The following ZFAT variants were observed in gnomAD, a reference collection of about 807,000 sequenced individuals.
ZFAT encodes the protein zinc finger protein ZFAT.
ZFAT carries 64 observed loss-of-function variants against 117.7 expected under a neutral mutation model. The ratio of observed to expected loss-of-function variants is 0.54; its 90% CI spans 0.44 to 0.67. The LOEUF is 0.67. Ranked by LOEUF, ZFAT falls within the 30% of genes least tolerant of loss-of-function variation. The pLI, the probability that ZFAT is intolerant of heterozygous loss-of-function variation, is 0.00. For missense variants in ZFAT, 1,433 were observed against 1,584.5 expected (o/e 0.90, Z 1.62); for synonymous variants, 679 against 615.0 (o/e 1.10, Z -1.54).
At chr8:134,588,983 ATACTT>A (rs2130868423) in intron 8 of ZFAT, among the ~76,000 whole-genome samples, 1 of 152,356 alleles carries the variant, frequency 6.6e-6, no homozygotes, top group African/African-American at 2.4e-5. Context: ...TGTCTGGAAT[ATACTT>A]TAAAATATCC....
intron 3 of ZFAT, among the ~76,000 whole-genome samples, chr8:134,618,707 TAA>T (rs975551115): frequency 2.0e-5 from 3 of 152,254 alleles, no homozygotes; most frequent in Non-Finnish European, 4.4e-5. Flanking sequence ...CAAATTTTCT[TAA>T]GTGTCCATAT....
the ZFAT span, among the ~76,000 whole-genome samples, chr8:134,798,666 G>T: frequency 6.6e-6 from 1 of 151,888 alleles, no homozygotes; most frequent in Non-Finnish European, 1.5e-5. Flanking sequence ...CATGATCAAA[G>T]ACCTTATTAC....
chr8:134,715,228 C>A (rs977039407), upstream of ZFAT, among the ~76,000 whole-genome samples: 3 of 152,194 alleles, frequency 2.0e-5, no homozygotes, highest in African/African-American at 7.2e-5. Context: ...AAATTTGTCT[C>A]AAAACCCAAT....
At chr8:134,509,926 A>G (rs1819691173) in intron 14 of ZFAT, 177 bp from the exon 15 acceptor site, 8 of 750,200 alleles carry the variant, frequency 1.1e-5, no homozygotes. Context: ...TAGCTTACAA[A>G]GCATTTTCTA....
In ZFAT at chr8:134,657,690, T is replaced by C; in HGVS notation, c.67A>G (p.Asn23Asp). 1.9e-6 allele frequency: 3 copies of C among 1,614,176 alleles called. No individual in the cohort carries two copies. Among genetic ancestry groups the C allele is most frequent in the Admixed American group, 1.7e-5 (1 of 60,020 alleles). ...MCKCCNLFSP[N>D]QSELLSHVSE... ...ACGTGGGAGAGGAGTTCCGACTGAT[T>C]TGGTGAGAAGAGGTTACAACATTTA... is the stretch of plus-strand genomic sequence containing the variant. The change falls in exon 2 of 16, where the codon AAT (asparagine) becomes GAT (aspartate). Residue 23 changes from asparagine to aspartate, a missense_variant. Around this residue, in one of 5 missense-constraint regions of ZFAT, gnomAD observed 436 missense variants for 482.0 expected, o/e 0.90. Transcript: ENST00000377838.
intron 1 of ZFAT, among the ~76,000 whole-genome samples, chr8:134,697,092 GGTTT>G (rs1356719267): frequency 2.0e-5 from 3 of 150,784 alleles, no homozygotes; most frequent in African/African-American, 7.3e-5. Context: ...TAATTGTTTT[GGTTT>G]GTTTTTGGTT....
At chr8:134,550,944 C>T (rs548048201) in intron 11 of ZFAT, among the ~76,000 whole-genome samples, 2 of 152,292 alleles carry the variant, frequency 1.3e-5, no homozygotes, top group East Asian at 3.9e-4. Context: ...CAAACACCAC[C>T]AACAGAAACT....
At chr8:134,594,687 C>T (rs1476748220) in intron 7 of ZFAT, 1 of 152,188 alleles carries the variant, frequency 6.6e-6, no homozygotes. Context: ...CCCTTACGAA[C>T]ATCATCTCGC....
the ZFAT span, among the ~76,000 whole-genome samples, chr8:134,729,814 G>A: frequency 6.6e-6 from 1 of 152,068 alleles, no homozygotes; most frequent in African/African-American, 2.4e-5. Context: ...GTATGTCTTG[G>A]TTTCCCCGTT....
intron 3 of ZFAT, among the ~76,000 whole-genome samples, chr8:134,613,060 G>A (rs1365883722): frequency 6.6e-6 from 1 of 152,172 alleles, no homozygotes; most frequent in African/African-American, 2.4e-5. Context: ...AATAACTATA[G>A]CAGAATATAT....
the ZFAT span, among the ~76,000 whole-genome samples, chr8:134,829,152 G>A: frequency 2.0e-5 from 3 of 152,186 alleles, no homozygotes; most frequent in African/African-American, 7.2e-5. Flanking sequence ...ATTTTAATTA[G>A]GCTTCAATGT....
At chr8:134,773,967 G>C in the ZFAT span, among the ~76,000 whole-genome samples, 1 of 146,478 alleles carries the variant, frequency 6.8e-6, no homozygotes, top group Non-Finnish European at 1.5e-5. Flanking sequence ...TAAAGTAGCA[G>C]TAGAGCTTGA....
chr8:134,698,340 A>G (rs893428849), intron 1 of ZFAT, among the ~76,000 whole-genome samples: 18 of 147,882 alleles, frequency 1.2e-4, no homozygotes, highest in Non-Finnish European at 2.6e-4. Context: ...AAAAAAAAAG[A>G]ATGACCTAAA....
At chr8:134,545,735 T>C (rs901918864) in intron 11 of ZFAT, among the ~76,000 whole-genome samples, 1 of 152,168 alleles carries the variant, frequency 6.6e-6, no homozygotes, top group Non-Finnish European at 1.5e-5. Context: ...GTGGTGACTT[T>C]TGGGACAGAG....
At chr8:134,806,910 T>A in the ZFAT span, among the ~76,000 whole-genome samples, 5 of 152,216 alleles carry the variant, frequency 3.3e-5, no homozygotes, top group Non-Finnish European at 7.4e-5. Context: ...TAAAGTCTAA[T>A]GAGGGGATAG....
chr8:134,620,433 G>C (rs1829034418), intron 3 of ZFAT, among the ~76,000 whole-genome samples: 1 of 152,184 alleles, frequency 6.6e-6, no homozygotes, highest in Non-Finnish European at 1.5e-5. Flanking sequence ...ACAGGCTGCT[G>C]CTCTGGCCTG....
chr8:134,601,119 C>G (rs1197369236), intron 6 of ZFAT, among the ~76,000 whole-genome samples: 1 of 152,196 alleles, frequency 6.6e-6, no homozygotes, highest in African/African-American at 2.4e-5. Flanking sequence ...GCTGCAGCCA[C>G]TTTCATAACC....
chr8:134,689,927 TTAAAA>T (rs1049723551), intron 1 of ZFAT, among the ~76,000 whole-genome samples: 2 of 152,262 alleles, frequency 1.3e-5, no homozygotes, highest in Admixed American at 6.5e-5. Flanking sequence ...AGTAGCCATA[TTAAAA>T]TAAAATAATC....
chr8:134,512,864 A>G (rs1819961055), intron 13 of ZFAT, among the ~76,000 whole-genome samples: 1 of 152,244 alleles, frequency 6.6e-6, no homozygotes, highest in Non-Finnish European at 1.5e-5. Context: ...CAGAGTATGT[A>G]TGCTGTTCAC....
Sources: allele counts gnomAD v4.1 joint callset (sites outside exome capture counted in the v4.1 genomes callset), GRCh38; gene constraint gnomAD v4.1.1; regional missense constraint gnomAD v4.1.1; transcripts MANE v1.5; gene names NCBI Gene and HGNC (gene_info 2026-07-23, HGNC 2026-07-21).